Variants in UVRAG observed in about 807,000 individuals in gnomAD.
The protein encoded by UVRAG is UV radiation resistance-associated gene protein.
UVRAG carries 19 observed loss-of-function variants against 78.0 expected under a neutral mutation model. The observed-to-expected ratio is 0.24, with a 90% CI of 0.17 to 0.36. UVRAG has a LOEUF of 0.36. UVRAG is among the 10% of genes least tolerant of loss of function. UVRAG has a pLI of 1.00. For missense variants in UVRAG, 740 were observed against 853.8 expected (o/e 0.87, Z 1.66); for synonymous variants, 323 against 324.6 (o/e 1.00, Z 0.05).
chr11:75,924,308 T>G (rs1488327783), intron 6 of UVRAG, among the ~76,000 whole-genome samples: 1 of 152,064 alleles, frequency 6.6e-6, no homozygotes, highest in Non-Finnish European at 1.5e-5. Flanking sequence ...ATATTTTATA[T>G]ATAAAATAAT....
intron 12 of UVRAG, among the ~76,000 whole-genome samples, chr11:76,031,407 G>A (rs1230182647): frequency 6.6e-6 from 1 of 152,192 alleles, no homozygotes; most frequent in Non-Finnish European, 1.5e-5. Flanking sequence ...GAGAAATGTG[G>A]AAAATGAGTC....
intron 13 of UVRAG, among the ~76,000 whole-genome samples, chr11:76,077,015 C>CAA (rs113696599): frequency 8.1e-6 from 1 of 124,194 alleles, no homozygotes. Context: ...AACCCTGTCT[C>CAA]AAAAAAAAAA....
chr11:76,016,282 G>A (rs1950143015), intron 11 of UVRAG, among the ~76,000 whole-genome samples: 1 of 152,002 alleles, frequency 6.6e-6, no homozygotes, highest in Non-Finnish European at 1.5e-5. Context: ...TAACTTCATA[G>A]ACTTATTATG....
chr11:76,088,252 T>C (rs964058799), intron 13 of UVRAG, among the ~76,000 whole-genome samples: 7 of 152,186 alleles, frequency 4.6e-5, no homozygotes, highest in Admixed American at 2.6e-4. Context: ...GTAGTTTCCA[T>C]TGGCTGATTT....
rs1407929878 is a variant in UVRAG, at chr11:76,016,876, T to C, written c.1122T>C (p.Ile374=). Residue 374 remains isoleucine, a synonymous_variant, in exon 12 of 15, where the codon ATT becomes ATC. Transcript: ENST00000356136. The part of the protein sequence containing the change: ...LGYTAHLVSM[I]SFFLQVPLRY... ...ATACTGCACATCTGGTCTCCATGAT[T>C]TCCTTTTTCCTACAAGTGCCCCTCA... 2.5e-6 allele frequency: 4 copies of C among 1,612,716 alleles called. No homozygotes were observed. Among genetic ancestry groups the C allele is most frequent in the Non-Finnish European group, 3.4e-6 (4 of 1,179,078 alleles).
intron 14 of UVRAG, among the ~76,000 whole-genome samples, chr11:76,140,403 C>T (rs1341462600): frequency 1.3e-5 from 2 of 151,964 alleles, no homozygotes; most frequent in African/African-American, 4.8e-5. Context: ...TTGCTAGATC[C>T]AGCCTGTCCA....
Position 76,037,997 on chromosome 11 carries a change from A to AT in UVRAG, c.1226+21027dup, listed in dbSNP as rs1007804667. 2.1e-3 allele frequency among the ~76,000 whole-genome samples: 318 copies of AT among 150,536 alleles called. 1 individual carries two copies. Among genetic ancestry groups the AT allele is most frequent in the South Asian group, 0.015 (70 of 4,740 alleles). Reference sequence around the variant, plus strand: ...CAATACAAAAATTTTAAAAATACAGATTTTTTTTTTATTTTCAAAGTATTT... The same window carrying AT: ...CAATACAAAAATTTTAAAAATACAGATTTTTTTTTTTATTTTCAAAGTATTT... On this transcript the variant is annotated intron_variant, in intron 12 of 14. Coordinates refer to ENST00000356136, the MANE Select transcript of UVRAG (RefSeq NM_003369.4).
chr11:76,127,169 C>G (rs566159759), intron 14 of UVRAG, among the ~76,000 whole-genome samples: 1 of 152,234 alleles, frequency 6.6e-6, no homozygotes, highest in East Asian at 1.9e-4. Context: ...TCTTTATTTC[C>G]AGAGCCTCAA....
At chr11:75,961,369 TG>T in intron 6 of UVRAG, 74 bp from the exon 7 acceptor site, 1 of 1,128,854 alleles carries the variant, frequency 8.9e-7, no homozygotes, top group Admixed American at 2.6e-5. Context: ...CCTCCAGGTT[TG>T]TCATTTATAT....
chr11:75,845,299 C>T (rs1210696505), intron 1 of UVRAG, among the ~76,000 whole-genome samples: 1 of 152,232 alleles, frequency 6.6e-6, no homozygotes, highest in African/African-American at 2.4e-5. Flanking sequence ...CCACCTGAAG[C>T]TACCACTGTA....
intron 5 of UVRAG, 60 bp from the exon 6 acceptor site, chr11:75,911,894 A>G: frequency 1.8e-6 from 2 of 1,119,894 alleles, no homozygotes; most frequent in Admixed American, 1.9e-5. Context: ...AGCATGATTA[A>G]TTTGTGCATA....
intron 13 of UVRAG, among the ~76,000 whole-genome samples, chr11:76,103,537 G>GTTTTT (rs11312309): frequency 1.5e-5 from 2 of 132,214 alleles, no homozygotes; most frequent in African/African-American, 2.7e-5. Flanking sequence ...TGCTGTTTTG[G>GTTTTT]TTTTTTTTTT....
chr11:76,106,367 T>G (rs1186414540), intron 13 of UVRAG, among the ~76,000 whole-genome samples: 1 of 151,954 alleles, frequency 6.6e-6, no homozygotes, highest in African/African-American at 2.4e-5. Flanking sequence ...GAAGCAGAAA[T>G]GCCTATTTTT....
chr11:75,882,413 T>G (rs956165217), intron 4 of UVRAG, among the ~76,000 whole-genome samples: 1 of 151,706 alleles, frequency 6.6e-6, no homozygotes, highest in African/African-American at 2.4e-5. Flanking sequence ...CTCAGGAGGC[T>G]GAGGTGGGAG....
chr11:75,939,876 A>G (rs12785513), intron 6 of UVRAG, among the ~76,000 whole-genome samples: 18,614 of 152,226 alleles, frequency 0.12, 1,471 homozygotes, highest in Middle Eastern at 0.21. Context: ...TAAAACTGCA[A>G]CAAAACTGCC....
intron 6 of UVRAG, among the ~76,000 whole-genome samples, chr11:75,958,183 A>G (rs995773113): frequency 1.3e-5 from 2 of 152,114 alleles, no homozygotes; most frequent in African/African-American, 4.8e-5. Flanking sequence ...TGCAGGTTGG[A>G]GTGATTGTGA....
intron 13 of UVRAG, among the ~76,000 whole-genome samples, chr11:76,079,341 C>T (rs909481297): frequency 6.6e-6 from 1 of 151,434 alleles, no homozygotes; most frequent in South Asian, 2.1e-4. Flanking sequence ...AAAAATTATC[C>T]GGACATAGTG....
In UVRAG at chr11:76,035,292, G is replaced by T. The variant is rs1034947893; in HGVS notation, c.1226+18312G>T. Among the ~76,000 whole-genome samples the T allele has an allele frequency of 3.3e-5, 5 of 152,126 alleles. No homozygotes were observed. The South Asian group carries it at 6.2e-4, about 19-fold the overall frequency. On this transcript the variant is annotated intron_variant, in intron 12 of 14. Coordinates refer to ENST00000356136, the MANE Select transcript of UVRAG (RefSeq NM_003369.4). Reference sequence around the variant, plus strand: ...TCTGGTTTCTGTATTGGTGGTTTCTGTATAAATCACAAAATGGGAGGTTCA... The same window carrying T: ...TCTGGTTTCTGTATTGGTGGTTTCTTTATAAATCACAAAATGGGAGGTTCA...
At chr11:75,867,644 C>T (rs1174192552) in intron 3 of UVRAG, among the ~76,000 whole-genome samples, 11 of 152,104 alleles carry the variant, frequency 7.2e-5, no homozygotes, top group Admixed American at 4.6e-4. Flanking sequence ...GAGTATACAT[C>T]TAGGAGTGGA....
Sources: allele counts gnomAD v4.1 joint callset (sites outside exome capture counted in the v4.1 genomes callset), GRCh38; gene constraint gnomAD v4.1.1; transcripts MANE v1.5; gene names NCBI Gene and HGNC (gene_info 2026-07-23, HGNC 2026-07-21).